Variants in CCP110 observed in about 807,000 individuals in gnomAD.
CCP110 encodes the protein centriolar coiled-coil protein of 110 kDa.
CCP110 carries 43 observed loss-of-function variants against 105.5 expected under a neutral mutation model. The observed-to-expected ratio is 0.41, with a 90% CI of 0.32 to 0.53. CCP110 has a LOEUF of 0.53. Ranked by LOEUF, CCP110 falls within the 20% of genes least tolerant of loss-of-function variation. The probability of loss-of-function intolerance (pLI) is 0.32; values close to 1 mark genes in which losing one functional copy is unlikely to be tolerated. For missense variants in CCP110, 1,016 were observed against 1,189.1 expected (o/e 0.85, Z 2.14); for synonymous variants, 353 against 392.1 (o/e 0.90, Z 1.18).
chr16:19,541,748 A>G, intron 5 of CCP110, 139 bp from the exon 6 acceptor site: 2 of 451,862 alleles, frequency 4.4e-6, no homozygotes, highest in Non-Finnish European at 7.7e-6. Flanking sequence ...GAAGGAAGGA[A>G]GGATAATTTG....
chr16:19,534,682 C>G (rs1057414447), intron 3 of CCP110, among the ~76,000 whole-genome samples: 10 of 151,848 alleles, frequency 6.6e-5, no homozygotes, highest in African/African-American at 1.9e-4. Flanking sequence ...TACCTGGAAA[C>G]CTTTTTGCAT....
At chr16:19,544,969 G>T in intron 9 of CCP110, 71 bp downstream of exon 9, 1 of 1,029,528 alleles carries the variant, frequency 9.7e-7, no homozygotes, top group African/African-American at 1.6e-5. Flanking sequence ...TTTAATCACT[G>T]AAAATAGGTT....
At chr16:19,551,798 A>G (rs1216830863) in exon 15 of CCP110, 1 of 152,484 alleles carries the variant, frequency 6.6e-6, no homozygotes. Context: ...ACTAAAATCT[A>G]CAGAAGTTAA....
exon 15 of CCP110, chr16:19,551,425 T>C: frequency 1.5e-6 from 1 of 648,836 alleles, no homozygotes; most frequent in South Asian, 1.8e-5. Context: ...CACCCCTATT[T>C]TCCTCTTAAT....
intron 3 of CCP110, among the ~76,000 whole-genome samples, chr16:19,533,138 G>A (rs1969932781): frequency 6.6e-6 from 1 of 152,160 alleles, no homozygotes; most frequent in East Asian, 1.9e-4. Context: ...TAGATTGAAC[G>A]AATAATTTCT....
intron 3 of CCP110, among the ~76,000 whole-genome samples, chr16:19,535,443 T>C (rs935850958): frequency 6.6e-6 from 1 of 152,182 alleles, no homozygotes; most frequent in Non-Finnish European, 1.5e-5. Context: ...GCTTAATCAA[T>C]GTCCTGGACA....
chr16:19,536,504 C>T lies in CCP110; in HGVS notation c.835C>T (p.Gln279Ter), dbSNP rs769655520. 3.7e-6 allele frequency: 6 copies of T among 1,614,034 alleles called. No homozygotes were observed. The highest frequency in any genetic ancestry group is 5.1e-6 in the Non-Finnish European group (6 of 1,179,962). Residue 279 changes from glutamine (Q) to a stop codon, truncating the protein, a stop_gained, in exon 4 of 15, where the codon CAG becomes TAG. Transcript: ENST00000381396. LOFTEE classifies it high-confidence loss of function. ...GGCTGACTGTGTAAAAGAGAAAGGC[C>T]AGTTGACAGGCAAACACTGTGTCTC...
intron 4 of CCP110, among the ~76,000 whole-genome samples, chr16:19,539,548 T>C (rs1023314413): frequency 5.3e-5 from 8 of 151,832 alleles, no homozygotes; most frequent in African/African-American, 1.9e-4. Context: ...GAGACAGGGT[T>C]TCACCATGTT....
chr16:19,533,333 G>C (rs1411832639), intron 3 of CCP110, among the ~76,000 whole-genome samples: 5 of 152,158 alleles, frequency 3.3e-5, no homozygotes, highest in Non-Finnish European at 5.9e-5. Context: ...TTAGAGGTTT[G>C]TTTTGCCAAG....
rs1970525428 is a variant in CCP110 at position 19,548,217 on chromosome 16, C to G, written c.2900+203C>G. On this transcript the variant is annotated intron_variant, in intron 13 of 14. Coordinates refer to ENST00000381396, the Ensembl canonical transcript of CCP110. The surrounding 1 kb of genome is among the most constrained non-coding windows in gnomAD (Gnocchi z 4.1). The stretch of plus-strand genomic sequence containing the variant: ...TACTGTTGTGTATTCTAATTACTGT[C>G]TTAAGTTGGGATGTTTTTACTTTTC... The G allele has an allele frequency of 1.7e-6, 1 of 595,214 alleles. No individual in the cohort carries two copies. Among genetic ancestry groups the G allele is most frequent in the Admixed American group, 3.2e-5 (1 of 31,116 alleles). The allele number at this position is 595,214 out of a possible 1,614,324, so 36.9% of individuals were successfully genotyped here. A position where few individuals can be genotyped will look rare whatever the true frequency, so the allele number is the denominator to read the frequency against.
intron 10 of CCP110, 65 bp from the exon 11 acceptor site, chr16:19,545,752 T>C: frequency 1.2e-6 from 1 of 807,546 alleles, no homozygotes; most frequent in East Asian, 2.5e-5. Flanking sequence ...GGGATTATAA[T>C]ACATTATAAT....
rs576594995 is a variant in CCP110 at position 19,529,954 on chromosome 16, G to C, written c.141+1932G>C. On this transcript the variant is annotated intron_variant, in intron 2 of 14. Coordinates refer to ENST00000381396, the Ensembl canonical transcript of CCP110. ...CGCCTATAATCCCAGCACTTTGGGA[G>C]GCTGAGGTGGGTGGATTGCATTGCT... 2.6e-5 allele frequency among the ~76,000 whole-genome samples: 4 copies of C among 152,244 alleles called. No homozygotes were observed. In the South Asian group the frequency reaches 6.2e-4, roughly 24 times the overall value.
chr16:19,548,591 C>A lies in CCP110; in HGVS notation c.2977C>A (p.Pro993Thr). 1 of 1,546,378 alleles carries A rather than the reference C, an allele frequency of 6.5e-7. No individual in the cohort carries two copies. The highest frequency in any genetic ancestry group is 8.7e-7 in the Non-Finnish European group (1 of 1,143,770). The change falls in exon 14 of 15, where the codon CCT becomes ACT. Residue 993 changes from proline (P) to threonine (T), a missense_variant. Pro to Thr is a conservative substitution (Grantham distance 38, BLOSUM62 -1). Transcript: ENST00000381396. The surrounding 1 kb of genome is among the most constrained non-coding windows in gnomAD (Gnocchi z 4.1). ...ACAGAGCAGAGTGCCTAACAGAGTGCCTGTTTCAGGTTTGTAGAAAATAAA... is the reference window on the plus strand; with the variant it reads ...ACAGAGCAGAGTGCCTAACAGAGTGACTGTTTCAGGTTTGTAGAAAATAAA...
chr16:19,542,799 A>G (rs955099363), intron 7 of CCP110, 39 bp downstream of exon 7: 51 of 1,577,550 alleles, frequency 3.2e-5, no homozygotes, highest in Non-Finnish European at 4.1e-5. Context: ...CTATCTATTT[A>G]TCTTTTCTTA....
At chr16:19,542,843 A>G in intron 7 of CCP110, 35 bp from the exon 8 acceptor site, 6 of 1,525,118 alleles carry the variant, frequency 3.9e-6, no homozygotes, top group Non-Finnish European at 5.5e-6. Flanking sequence ...ATAAATGAAC[A>G]CCAATAAACA....
At chr16:19,527,366 A>T (rs1056768873) in intron 1 of CCP110, among the ~76,000 whole-genome samples, 2 of 73,500 alleles carry the variant, frequency 2.7e-5, no homozygotes, top group Non-Finnish European at 5.1e-5. Context: ...TTGTCTCTTT[A>T]AAAAAAAAAA....
exon 4 of CCP110, chr16:19,536,766 G>C: frequency 6.2e-7 from 1 of 1,614,098 alleles, no homozygotes; most frequent in Non-Finnish European, 8.5e-7. Context: ...AAATTACCTA[G>C]TCCAGAGCCA....
chr16:19,535,910 A>G (rs1970034763), intron 3 of CCP110, 30 bp from the exon 4 acceptor site: 1 of 1,414,032 alleles, frequency 7.1e-7, no homozygotes, highest in East Asian at 2.4e-5. Flanking sequence ...TGCAATGAGG[A>G]AATATTAATT....
At position 19,542,062 on chromosome 16, in the gene CCP110, CT is replaced by C. The variant is rs1445078630; in HGVS notation, c.2226del (p.Gly743ValfsTer29). 1.3e-6 allele frequency: 2 copies of C among 1,554,802 alleles called. No individual in the cohort carries two copies. The highest frequency in any genetic ancestry group is 1.7e-6 in the Non-Finnish European group (2 of 1,155,156). On this transcript the variant is annotated frameshift_variant and splice_region_variant, in exon 6 of 15. Transcript: ENST00000381396. LOFTEE classifies it high-confidence loss of function. ...CTCCATACTTCAAATTCAAATAGTT[CT>C]GGTAAATATTTAAAAATCCTTTTAC...
Sources: allele counts gnomAD v4.1 joint callset (sites outside exome capture counted in the v4.1 genomes callset), GRCh38; gene constraint gnomAD v4.1.1; non-coding constraint Gnocchi (gnomAD v3.1); transcripts MANE v1.5; gene names NCBI Gene and HGNC (gene_info 2026-07-23, HGNC 2026-07-21).